Variants in COA8 observed in about 807,000 individuals in gnomAD.
The protein encoded by COA8 is UPF0671 protein C14orf153.
Under a neutral mutation model 22.0 loss-of-function variants are expected in COA8, and 20 were observed. The observed-to-expected ratio is 0.91, with a 90% CI of 0.64 to 1.32. COA8 has a LOEUF of 1.32. Among genes scored for constraint, COA8 ranks in the 40% most tolerant of loss-of-function variants. COA8 has a pLI of 0.00. For missense variants in COA8, 266 were observed against 230.0 expected (o/e 1.16, Z -1.01); for synonymous variants, 105 against 79.9 (o/e 1.31, Z -1.68).
At chr14:103,589,115 A>G (rs1421427951) in intron 4 of COA8, among the ~76,000 whole-genome samples, 1 of 152,106 alleles carries the variant, frequency 6.6e-6, no homozygotes, top group Non-Finnish European at 1.5e-5. Context: ...GCCTTAGAGG[A>G]GCCTGGCCCC....
At chr14:103,564,024 G>T (rs1344843599) in intron 1 of COA8, among the ~76,000 whole-genome samples, 1 of 152,000 alleles carries the variant, frequency 6.6e-6, no homozygotes, top group Non-Finnish European at 1.5e-5. Context: ...ATAGTGGCGC[G>T]CGCCTGTAGA....
chr14:103,576,028 C>T, intron 3 of COA8, among the ~76,000 whole-genome samples: 1 of 151,448 alleles, frequency 6.6e-6, no homozygotes, highest in East Asian at 2.0e-4. Flanking sequence ...AAAAGTCAGG[C>T]CGGGCGCGGT....
At chr14:103,569,007 A>G (rs1468304265) in intron 1 of COA8, among the ~76,000 whole-genome samples, 4 of 152,108 alleles carry the variant, frequency 2.6e-5, no homozygotes, top group Non-Finnish European at 4.4e-5. Context: ...CCTGACCAGT[A>G]GGAATGCACA....
At chr14:103,565,000 C>G (rs1463976794) in intron 1 of COA8, among the ~76,000 whole-genome samples, 1 of 152,088 alleles carries the variant, frequency 6.6e-6, no homozygotes, top group Non-Finnish European at 1.5e-5. Context: ...GTTGCCCAGG[C>G]TGGAGTGCAA....
rs2076187400 is a variant in COA8, at chr14:103,571,735, T to C, written c.236T>C (p.Leu79Ser). 6.2e-7 allele frequency: 1 copy of C among 1,614,062 alleles called. No homozygotes were observed. The highest frequency in any genetic ancestry group is 1.3e-5 in the African/African-American group (1 of 74,926). The change falls in exon 2 of 5, where the codon TTG (leucine) becomes TCG (serine). Residue 79 changes from leucine to serine, a missense_variant. Coordinates refer to ENST00000409074, the MANE Select transcript of COA8 (RefSeq NM_001370595.2). ...HFYIPENESPLEQKLRKLRQE... is the reference protein window; with the variant it reads ...HFYIPENESPSEQKLRKLRQE... ...TACATACCTGAAAATGAATCTCCAT[T>C]GGAACAAAAGCTTAGAAAATTAAGA...
chr14:103,577,325 C>T (rs566229117), intron 3 of COA8, among the ~76,000 whole-genome samples: 86 of 152,076 alleles, frequency 5.7e-4, no homozygotes, highest in African/African-American at 2.0e-3. Flanking sequence ...ATCTTCTCAT[C>T]TCAGTCTCCC....
intron 3 of COA8, among the ~76,000 whole-genome samples, chr14:103,577,363 A>G (rs1042879546): frequency 2.0e-5 from 3 of 150,632 alleles, no homozygotes; most frequent in African/African-American, 7.3e-5. Flanking sequence ...GGCATGAGCC[A>G]CCGCGCCCAG....
intron 1 of COA8, among the ~76,000 whole-genome samples, chr14:103,570,975 G>A (rs1335403926): frequency 6.6e-6 from 1 of 152,140 alleles, no homozygotes; most frequent in Non-Finnish European, 1.5e-5. Context: ...GAGCCATCAC[G>A]TTGGACTTGC....
chr14:103,564,828 G>C (rs1319539699), intron 1 of COA8, among the ~76,000 whole-genome samples: 1 of 152,046 alleles, frequency 6.6e-6, no homozygotes, highest in Non-Finnish European at 1.5e-5. Flanking sequence ...TGATGCGCCT[G>C]CCTGGGCCTC....
intron 1 of COA8, among the ~76,000 whole-genome samples, chr14:103,564,120 T>TC (rs914377720): frequency 6.6e-6 from 1 of 151,574 alleles, no homozygotes; most frequent in Non-Finnish European, 1.5e-5. Flanking sequence ...GCCACTGCAC[T>TC]CCAGCCTGGC....
chr14:103,587,752 C>T (rs2076320144), intron 4 of COA8, among the ~76,000 whole-genome samples: 1 of 151,886 alleles, frequency 6.6e-6, no homozygotes, highest in Non-Finnish European at 1.5e-5. Flanking sequence ...CGTGATCCGC[C>T]TGCCTTGGCC....
chr14:103,584,037 TG>T (rs754227221), intron 3 of COA8, among the ~76,000 whole-genome samples: 5 of 151,244 alleles, frequency 3.3e-5, no homozygotes, highest in Non-Finnish European at 5.9e-5. Context: ...CAGCACCTTT[TG>T]TTTGTTTGTT....
At chr14:103,582,318 AG>A (rs1382417559) in intron 3 of COA8, among the ~76,000 whole-genome samples, 1 of 151,902 alleles carries the variant, frequency 6.6e-6, no homozygotes, top group Non-Finnish European at 1.5e-5. Flanking sequence ...ACCCTACTTC[AG>A]GGCAGCCCTG....
chr14:103,584,565 A>T (rs986726443), intron 3 of COA8, among the ~76,000 whole-genome samples: 1 of 151,990 alleles, frequency 6.6e-6, no homozygotes, highest in Non-Finnish European at 1.5e-5. Flanking sequence ...ATGATCACGA[A>T]CTCTGTGTTT....
Position 103,590,778 on chromosome 14 carries a change from A to C in COA8, c.*492A>C, listed in dbSNP as rs1329134737. 2 of 152,682 alleles carry C rather than the reference A, an allele frequency of 1.3e-5. No homozygotes were observed. Among genetic ancestry groups the C allele is most frequent in the East Asian group, 3.8e-4 (2 of 5,198 alleles). The allele number at this position is 152,682 out of a possible 1,614,324, so 9.5% of individuals were successfully genotyped here. On this transcript the variant is annotated 3_prime_UTR_variant, in exon 5 of 5. Transcript: ENST00000409074. The stretch of plus-strand genomic sequence containing the variant: ...TGGAGGCTGAGGCATGCGACGCTTG[A>C]ACCCAGGAGGCGGAGGTTGCAGTGA...
intron 3 of COA8, among the ~76,000 whole-genome samples, chr14:103,577,219 G>A (rs933465993): frequency 6.6e-6 from 1 of 151,764 alleles, no homozygotes; most frequent in Non-Finnish European, 1.5e-5. Flanking sequence ...ATAGGCACCC[G>A]CCCCCACACC....
chr14:103,566,470 T>C (rs941286353), intron 1 of COA8, among the ~76,000 whole-genome samples: 6 of 152,230 alleles, frequency 3.9e-5, no homozygotes, highest in African/African-American at 1.2e-4. Flanking sequence ...ACAAGACATC[T>C]GATAAAGTCT....
rs561702478 is a variant in COA8, at chr14:103,564,571, C to CTTTTTTTTTTTTTTTTT, written c.123+1457_123+1473dup. 4.4e-5 allele frequency among the ~76,000 whole-genome samples: 4 copies of CTTTTTTTTTTTTTTTTT among 91,460 alleles called. 1 individual carries two copies. Among genetic ancestry groups the CTTTTTTTTTTTTTTTTT allele is most frequent in the African/African-American group, 4.7e-5 (1 of 21,168 alleles). The allele number at this position is 91,460 out of a possible 152,430, so 60.0% of individuals were successfully genotyped here. A position where few individuals can be genotyped will look rare whatever the true frequency, so the allele number is the denominator to read the frequency against. ...GATTTCTCTATTGTCATATACACTT[C>CTTTTTTTTTTTTTTTTT]TTTTTTTTTTTTTTTTTTTTTTTTT... On this transcript the variant is annotated intron_variant, in intron 1 of 4. Transcript: ENST00000409074.
At position 103,574,077 on chromosome 14, in the gene COA8, C is replaced by A. The variant is rs4906337; in HGVS notation, c.322-30C>A. On this transcript the variant is annotated intron_variant, in intron 2 of 4. Coordinates refer to ENST00000409074, the MANE Select transcript of COA8 (RefSeq NM_001370595.2). ...AAGACAGAGAAAGGAGTTCTGAGAG[C>A]CTTTTTTTTTTTTTTTTTTTTTTTT... The A allele has an allele frequency of 0.34, 392,666 of 1,161,224 alleles. 55,308 individuals are homozygous for A. Among genetic ancestry groups the A allele is most frequent in the Non-Finnish European group, 0.36 (310,633 of 858,558 alleles). 71.9% of individuals were successfully genotyped at this position (1,161,224 alleles called of 1,614,324 possible).
Sources: allele counts gnomAD v4.1 joint callset (sites outside exome capture counted in the v4.1 genomes callset), GRCh38; gene constraint gnomAD v4.1.1; transcripts MANE v1.5; gene names NCBI Gene and HGNC (gene_info 2026-07-23, HGNC 2026-07-21).